The following PRKG2 variants were observed in gnomAD, a reference collection of about 807,000 sequenced individuals.
The protein encoded by PRKG2 is cGMP-dependent protein kinase 2.
PRKG2 carries 33 observed loss-of-function variants against 97.2 expected under a neutral mutation model. The ratio of observed to expected loss-of-function variants is 0.34; its 90% CI spans 0.26 to 0.45. The LOEUF (loss-of-function observed/expected upper bound fraction) is 0.45, where lower values mean the gene tolerates loss of function less well. Ranked by LOEUF, PRKG2 falls within the 20% of genes least tolerant of loss-of-function variation. PRKG2 has a pLI of 1.00. For missense variants in PRKG2, 638 were observed against 900.0 expected, an observed-to-expected ratio of 0.71 and a Z score of 3.73; for synonymous variants, 330 against 321.8, an observed-to-expected ratio of 1.03 and a Z score of -0.27.
intron 9 of PRKG2, among the ~76,000 whole-genome samples, chr4:81,144,607 TA>T (rs199623506): frequency 4.2e-5 from 5 of 120,076 alleles, no homozygotes; most frequent in Non-Finnish European, 4.9e-5. Flanking sequence ...TATATATATA[TA>T]TATTTTTTTT....
At chr4:81,097,608 G>A (rs1298148526) in intron 17 of PRKG2, among the ~76,000 whole-genome samples, 1 of 152,118 alleles carries the variant, frequency 6.6e-6, no homozygotes, top group Non-Finnish European at 1.5e-5. Context: ...TCAATGTAAG[G>A]CAATTTATTC....
chr4:81,153,998 G>C (rs1383240788), intron 6 of PRKG2: 5 of 252,942 alleles, frequency 2.0e-5, no homozygotes, highest in Non-Finnish European at 3.1e-5. Context: ...GTCAAAGAAA[G>C]GGGTGATGGA....
At chr4:81,135,405 T>C (rs1008030673) in intron 13 of PRKG2, 109 bp from the exon 14 acceptor site, 36 of 1,166,020 alleles carry the variant, frequency 3.1e-5, no homozygotes, top group Non-Finnish European at 4.1e-5. Context: ...ATAAATATTT[T>C]GCAGGGTATC....
chr4:81,168,866 T>C (rs1466421289), intron 5 of PRKG2, among the ~76,000 whole-genome samples: 1 of 151,992 alleles, frequency 6.6e-6, no homozygotes, highest in East Asian at 1.9e-4. Flanking sequence ...TAAGAACTTA[T>C]AATTTATTTT....
chr4:81,157,669 C>T (rs199539684), intron 6 of PRKG2, among the ~76,000 whole-genome samples: 14,934 of 152,058 alleles, frequency 0.098, 991 homozygotes, highest in Middle Eastern at 0.2. Flanking sequence ...AACATTGATG[C>T]AAAAATCCTC....
At chr4:81,177,861 G>C (rs1387934675) in intron 2 of PRKG2, among the ~76,000 whole-genome samples, 1 of 151,860 alleles carries the variant, frequency 6.6e-6, no homozygotes, top group Non-Finnish European at 1.5e-5. Flanking sequence ...CAACAACTTA[G>C]AGTCATGATC....
intron 6 of PRKG2, among the ~76,000 whole-genome samples, chr4:81,163,734 G>A (rs1219396015): frequency 1.3e-5 from 2 of 152,042 alleles, no homozygotes; most frequent in African/African-American, 2.4e-5. Context: ...ATGAAGGAAG[G>A]CAATGACTTC....
At position 81,174,971 on chromosome 4, in the gene PRKG2, G is replaced by T. The variant is rs1419500142; in HGVS notation, c.462-12C>A. The T allele has an allele frequency of 6.3e-7, 1 of 1,575,750 alleles. No individual in the cohort carries two copies. ...TGAGCTTCTTCTCACTGGTATAATG[G>T]AAAAGAGATGTTAGTTACAATTAAT... On this transcript the variant is annotated splice_polypyrimidine_tract_variant and intron_variant, in intron 2 of 18. Coordinates refer to ENST00000264399, the MANE Select transcript of PRKG2 (RefSeq NM_006259.3).
chr4:81,139,460 G>A (rs1313261451), intron 12 of PRKG2, among the ~76,000 whole-genome samples: 1 of 151,918 alleles, frequency 6.6e-6, no homozygotes, highest in African/African-American at 2.4e-5. Context: ...ACACATTTTT[G>A]TGATGTTTAC....
At chr4:81,110,938 A>C (rs1560544366) in intron 14 of PRKG2, among the ~76,000 whole-genome samples, 1 of 151,724 alleles carries the variant, frequency 6.6e-6, no homozygotes, top group Non-Finnish European at 1.5e-5. Context: ...CATAACAACA[A>C]CTTTGAAGCT....
rs775376307 is a variant in PRKG2, at chr4:81,142,921, G to T, written c.1280C>A (p.Ser427Tyr). The stretch of plus-strand genomic sequence containing the variant: ...AATCATTTCCAGAGAGAGTGCTTTG[G>T]ACAGCTTCCAGTTAGACATGGACCG... The part of the protein sequence containing the change: ...AKRSMSNWKL[S>Y]KALSLEMIQL... The change falls in exon 11 of 19, where the codon TCC becomes TAC. Residue 427 changes from serine (S) to tyrosine (Y), a missense_variant. Physicochemically the swap from Ser to Tyr is moderately radical, Grantham distance 144. Coordinates refer to ENST00000264399, the MANE Select transcript of PRKG2 (RefSeq NM_006259.3). 1 of 1,611,910 alleles carries T rather than the reference G, an allele frequency of 6.2e-7. No individual in the cohort carries two copies. The highest frequency in any genetic ancestry group is 2.2e-5 in the East Asian group (1 of 44,862).
intron 8 of PRKG2, among the ~76,000 whole-genome samples, 179 bp from the exon 9 acceptor site, chr4:81,149,131 G>T (rs1171768493): frequency 6.6e-6 from 1 of 152,124 alleles, no homozygotes; most frequent in African/African-American, 2.4e-5. Flanking sequence ...ATGTGCCCCA[G>T]TAGAGGTTAT....
At chr4:81,158,048 C>G (rs1388302079) in intron 6 of PRKG2, among the ~76,000 whole-genome samples, 1 of 149,416 alleles carries the variant, frequency 6.7e-6, no homozygotes, top group African/African-American at 2.6e-5. Flanking sequence ...CTCACCACTC[C>G]TATTCAACAT....
rs192532555 is a variant in PRKG2, at chr4:81,138,732, G to A, written c.1545-1250C>T. ...CATATTATTGCCTGACTACATGCCAGGCACTTTGGAAAGAGTTGAAAATAA... is the reference window on the plus strand; with the variant it reads ...CATATTATTGCCTGACTACATGCCAAGCACTTTGGAAAGAGTTGAAAATAA... On this transcript the variant is annotated intron_variant, in intron 12 of 18. Coordinates refer to ENST00000264399, the MANE Select transcript of PRKG2 (RefSeq NM_006259.3). Among the ~76,000 whole-genome samples, 70 of 151,812 alleles carry A rather than the reference G, an allele frequency of 4.6e-4. No homozygotes were observed. The East Asian group carries it at 0.01, about 23-fold the overall frequency.
At chr4:81,167,676 A>G (rs750077425) in intron 5 of PRKG2, among the ~76,000 whole-genome samples, 1 of 151,968 alleles carries the variant, frequency 6.6e-6, no homozygotes, top group Non-Finnish European at 1.5e-5. Flanking sequence ...CGGGGTTGGG[A>G]GGGAACATGG....
chr4:81,195,088 A>G (rs1752875297), intron 2 of PRKG2, among the ~76,000 whole-genome samples: 1 of 152,230 alleles, frequency 6.6e-6, no homozygotes. Context: ...ACAACATGGA[A>G]GAGAGTTGAA....
At chr4:81,166,626 T>A (rs1210663577) in intron 6 of PRKG2, among the ~76,000 whole-genome samples, 4 of 152,114 alleles carry the variant, frequency 2.6e-5, no homozygotes. Flanking sequence ...CATTCCAATA[T>A]GCCGTTTCCC....
chr4:81,196,197 T>G (rs1251166574), intron 2 of PRKG2, among the ~76,000 whole-genome samples: 1 of 152,126 alleles, frequency 6.6e-6, no homozygotes, highest in African/African-American at 2.4e-5. Flanking sequence ...CACAAGGAAT[T>G]GAATTTGGCC....
intron 2 of PRKG2, among the ~76,000 whole-genome samples, chr4:81,187,061 T>C (rs1447763028): frequency 6.6e-6 from 1 of 152,168 alleles, no homozygotes; most frequent in East Asian, 1.9e-4. Flanking sequence ...GAGGAGCTGA[T>C]ACCATTCCTT....
Sources: gnomAD v4.1 joint callset for allele counts (sites outside exome capture counted in the v4.1 genomes callset) on GRCh38, gnomAD v4.1.1 for gene constraint, MANE v1.5 for transcripts, NCBI Gene and HGNC (gene_info 2026-07-23, HGNC 2026-07-21) for gene names.